Variants in USH2A observed in about 807,000 individuals in gnomAD.
USH2A encodes Usher syndrome 2A (autosomal recessive, mild).
A neutral mutation model predicts 538.9 loss-of-function variants in USH2A; 443 were observed. The ratio of observed to expected loss-of-function variants is 0.82; its 90% CI spans 0.76 to 0.89. The LOEUF is 0.89. USH2A is among the 40% of genes least tolerant of loss of function. The pLI, the probability that USH2A is intolerant of heterozygous loss-of-function variation, is 0.00. For synonymous variants in USH2A, 2,413 were observed against 2,273.5 expected, an observed-to-expected ratio of 1.06 and a Z score of -1.75; for missense variants, 6,633 against 6,324.8, an observed-to-expected ratio of 1.05 and a Z score of -1.65.
chr1:216,203,646 C>G (rs1261592679), intron 16 of USH2A, among the ~76,000 whole-genome samples: 1 of 152,106 alleles, frequency 6.6e-6, no homozygotes, highest in Non-Finnish European at 1.5e-5. Flanking sequence ...CCTCTCAGAG[C>G]TAACTGAATC....
At position 215,728,386 on chromosome 1, in the gene USH2A, T is replaced by G. The variant is rs753505333; in HGVS notation, c.11712-2A>C. On this transcript the variant is annotated splice_acceptor_variant, in intron 60 of 71. Coordinates refer to ENST00000307340, the MANE Select transcript of USH2A (RefSeq NM_206933.4). LOFTEE classifies it high-confidence loss of function. The stretch of plus-strand genomic sequence containing the variant: ...TCCTCTTCAATGCCAGCAGGGCGTC[T>G]GAAAGGAAACCAAGCAGGCAACCAG... 6.2e-7 allele frequency: 1 copy of G among 1,613,888 alleles called. No homozygotes were observed. The highest frequency in any genetic ancestry group is 2.2e-5 in the East Asian group (1 of 44,878).
At chr1:216,181,342 G>A (rs952337070) in intron 20 of USH2A, among the ~76,000 whole-genome samples, 3 of 152,204 alleles carry the variant, frequency 2.0e-5, no homozygotes, top group African/African-American at 4.8e-5. Context: ...CATAAGCCAC[G>A]AATGGGTACC....
At chr1:216,004,529 G>A (rs923304657) in intron 32 of USH2A, among the ~76,000 whole-genome samples, 1 of 152,190 alleles carries the variant, frequency 6.6e-6, no homozygotes, top group African/African-American at 2.4e-5. Context: ...TGAAGTTTCA[G>A]TGAACTTGTC....
intron 49 of USH2A, among the ~76,000 whole-genome samples, chr1:215,803,803 C>CA (rs1224572154): frequency 2.0e-5 from 3 of 152,024 alleles, no homozygotes; most frequent in East Asian, 1.9e-4. Flanking sequence ...CATATGGACC[C>CA]AAAAAAGAGC....
chr1:216,022,313 G>T (rs952554782), intron 32 of USH2A, among the ~76,000 whole-genome samples: 1 of 152,130 alleles, frequency 6.6e-6, no homozygotes, highest in African/African-American at 2.4e-5. Context: ...TGGGGTTGTG[G>T]GGGACAGTCA....
chr1:215,890,850 T>C (rs1283428655), intron 40 of USH2A, among the ~76,000 whole-genome samples: 3 of 152,128 alleles, frequency 2.0e-5, no homozygotes, highest in African/African-American at 4.8e-5. Flanking sequence ...TCCCCTGAGA[T>C]TGGGTTTCGT....
intron 38 of USH2A, among the ~76,000 whole-genome samples, chr1:215,914,476 G>A (rs952871339): frequency 5.9e-4 from 90 of 152,040 alleles, no homozygotes; most frequent in African/African-American, 2.1e-3. Context: ...ACCAAATAAG[G>A]AATATGCAAT....
chr1:215,963,429 C>T lies in USH2A; in HGVS notation c.7120+1888G>A, dbSNP rs573166621. On this transcript the variant is annotated intron_variant, in intron 37 of 71. Coordinates refer to ENST00000307340, the MANE Select transcript of USH2A (RefSeq NM_206933.4). Reference sequence around the variant, plus strand: ...TTCCAACCTCACCCCTTTCCAACCCCTGAGTTGAACCCGTACCGCAAAAAT... The same window carrying T: ...TTCCAACCTCACCCCTTTCCAACCCTTGAGTTGAACCCGTACCGCAAAAAT... Among the ~76,000 whole-genome samples, 4 of 152,212 alleles carry T rather than the reference C, an allele frequency of 2.6e-5. No homozygotes were observed. In the South Asian group the frequency reaches 8.3e-4, roughly 32 times the overall value.
At chr1:215,859,212 G>C (rs1664252072) in intron 44 of USH2A, among the ~76,000 whole-genome samples, 1 of 152,080 alleles carries the variant, frequency 6.6e-6, no homozygotes, top group African/African-American at 2.4e-5. Context: ...TTTATAAAGG[G>C]ACTTTTTTCA....
chr1:215,675,625 G>C lies in USH2A; in HGVS notation c.12295-9C>G, dbSNP rs1353463566. On this transcript the variant is annotated splice_polypyrimidine_tract_variant and intron_variant, in intron 62 of 71. Coordinates refer to ENST00000307340, the MANE Select transcript of USH2A (RefSeq NM_206933.4). Reference sequence around the variant, plus strand: ...CTGAAGATGTTGTATGTCTACAGAAGGACAGAAGCAAAAGGGATAACTTGC... The same window carrying C: ...CTGAAGATGTTGTATGTCTACAGAACGACAGAAGCAAAAGGGATAACTTGC... The C allele has an allele frequency of 6.2e-7, 1 of 1,614,092 alleles. No homozygotes were observed. Among genetic ancestry groups the C allele is most frequent in the East Asian group, 2.2e-5 (1 of 44,874 alleles).
chr1:216,011,217 C>G (rs1005189397), intron 32 of USH2A, among the ~76,000 whole-genome samples: 4 of 152,124 alleles, frequency 2.6e-5, no homozygotes, highest in South Asian at 2.1e-4. Context: ...TCAATACCTC[C>G]CTCCACAATC....
At chr1:216,321,844 A>G in intron 9 of USH2A, 39 bp downstream of exon 9, 1 of 1,400,538 alleles carries the variant, frequency 7.1e-7, no homozygotes, top group Non-Finnish European at 9.9e-7. Context: ...CATCTCTACT[A>G]TTTTTTTTTT....
chr1:215,818,259 T>C (rs1356554805), intron 47 of USH2A, among the ~76,000 whole-genome samples: 1 of 151,896 alleles, frequency 6.6e-6, no homozygotes, highest in Non-Finnish European at 1.5e-5. Flanking sequence ...GAGTCAACTA[T>C]ATATCTAGAG....
At chr1:215,933,989 G>C (rs1199654908) in intron 38 of USH2A, among the ~76,000 whole-genome samples, 1 of 151,904 alleles carries the variant, frequency 6.6e-6, no homozygotes, top group East Asian at 1.9e-4. Flanking sequence ...CAAAATAATG[G>C]TAATTGTGAA....
intron 40 of USH2A, 133 bp downstream of exon 40, chr1:215,899,942 C>T (rs1468686109): frequency 7.6e-7 from 1 of 1,316,670 alleles, no homozygotes. Context: ...CACTCTCTTG[C>T]CCTAGAAAAG....
At chr1:215,719,418 T>G (rs532654506) in intron 61 of USH2A, among the ~76,000 whole-genome samples, 140 of 116,914 alleles carry the variant, frequency 1.2e-3, no homozygotes, top group African/African-American at 4.3e-3. Context: ...AGAAAGGAAA[T>G]AGAACCTAAT....
chr1:216,171,214 T>C (rs917597007), intron 21 of USH2A, among the ~76,000 whole-genome samples: 3 of 151,990 alleles, frequency 2.0e-5, no homozygotes, highest in Non-Finnish European at 2.9e-5. Flanking sequence ...ACAGATGCCA[T>C]GATTACAGCC....
At chr1:216,306,544 G>C (rs1368280977) in intron 9 of USH2A, among the ~76,000 whole-genome samples, 1 of 152,080 alleles carries the variant, frequency 6.6e-6, no homozygotes, top group Non-Finnish European at 1.5e-5. Flanking sequence ...ATCCATTGCT[G>C]GTAAGCTATT....
At chr1:215,864,623 G>A (rs1664423963) in intron 44 of USH2A, among the ~76,000 whole-genome samples, 1 of 152,098 alleles carries the variant, frequency 6.6e-6, no homozygotes, top group African/African-American at 2.4e-5. Flanking sequence ...TTATCTTTAT[G>A]TATAATTCTT....
Sources: gnomAD v4.1 joint callset for allele counts (sites outside exome capture counted in the v4.1 genomes callset) on GRCh38, gnomAD v4.1.1 for gene constraint, MANE v1.5 for transcripts, NCBI Gene and HGNC (gene_info 2026-07-23, HGNC 2026-07-21) for gene names.